Variants in EXT2 observed in about 807,000 individuals in gnomAD.
The protein encoded by EXT2 is exostosin glycosyltransferase 2, also known as exostosin-2.
In EXT2, 53 loss-of-function variants were observed where a neutral mutation model predicts 81.6. The observed-to-expected ratio is 0.65, with a 90% CI of 0.52 to 0.82. The LOEUF is 0.82. Among genes scored for constraint, EXT2 ranks in the 40% least tolerant of loss-of-function variants. The pLI is 0.00. For missense variants in EXT2, 774 were observed against 910.2 expected (o/e 0.85, Z 1.93); for synonymous variants, 320 against 340.0 (o/e 0.94, Z 0.65).
chr11:44,234,118 T>A lies in EXT2; in HGVS notation c.1810T>A (p.Phe604Ile), dbSNP rs1955930890. 6.2e-7 allele frequency: 1 copy of A among 1,614,004 alleles called. No individual in the cohort carries two copies. The highest frequency in any genetic ancestry group is 1.1e-5 in the South Asian group (1 of 91,086). Residue 604 changes from phenylalanine to isoleucine, a missense_variant, in exon 12 of 14, where the codon TTT becomes ATT. Phe to Ile is a conservative substitution (Grantham distance 21, BLOSUM62 0). This residue lies in a region of EXT2 where 148 missense variants were observed against 239.7 expected (regional missense o/e 0.62). Transcript: ENST00000533608. ...TTCTTTCTGTCTCACTTGACAGTATTTTAATTACCTGTATACCTACAAAAT... is the reference window on the plus strand; with the variant it reads ...TTCTTTCTGTCTCACTTGACAGTATATTAATTACCTGTATACCTACAAAAT... ...LTGAAFYHKY[F>I]NYLYTYKMPG...
chr11:44,162,461 A>T (rs1193120139), intron 7 of EXT2, among the ~76,000 whole-genome samples: 1 of 151,626 alleles, frequency 6.6e-6, no homozygotes, highest in Non-Finnish European at 1.5e-5. Context: ...CTGTAATCCC[A>T]GCTACTCGGG....
chr11:44,143,589 A>G (rs10458912), intron 7 of EXT2, among the ~76,000 whole-genome samples: 137,895 of 152,182 alleles, frequency 0.91, 62,624 homozygotes, highest in East Asian at 0.99. Flanking sequence ...TCAATTTGGG[A>G]AACATACACA....
At chr11:44,110,623 C>T (rs768816121) in intron 3 of EXT2, among the ~76,000 whole-genome samples, 7 of 152,068 alleles carry the variant, frequency 4.6e-5, no homozygotes, top group African/African-American at 7.2e-5. Context: ...TTCAGAAGGG[C>T]TTCTTTCTGT....
intron 7 of EXT2, among the ~76,000 whole-genome samples, chr11:44,147,265 G>C (rs1334245771): frequency 2.0e-5 from 3 of 152,148 alleles, no homozygotes; most frequent in Non-Finnish European, 4.4e-5. Context: ...TAGAATTGTA[G>C]TCTCCTTGGC....
chr11:44,165,582 G>C (rs1954984103), intron 7 of EXT2, among the ~76,000 whole-genome samples: 1 of 152,158 alleles, frequency 6.6e-6, no homozygotes, highest in South Asian at 2.1e-4. Context: ...CTGGTGTCCT[G>C]GGTGGATTTC....
At chr11:44,173,959 G>A (rs1284470208) in intron 8 of EXT2, among the ~76,000 whole-genome samples, 3 of 152,046 alleles carry the variant, frequency 2.0e-5, no homozygotes, top group Non-Finnish European at 2.9e-5. Flanking sequence ...TTCCAACTAA[G>A]AAATTGCTTG....
Position 44,188,203 on chromosome 11 carries a change from G to A in EXT2, c.1306-9626G>A, listed in dbSNP as rs4755790. 0.019 allele frequency among the ~76,000 whole-genome samples: 2,897 copies of A among 152,298 alleles called. 231 individuals are homozygous for A. In the East Asian group the frequency reaches 0.28, roughly 15 times the overall value. The stretch of plus-strand genomic sequence containing the variant: ...TGAAACTTGGTATCCTGGGAGGTGA[G>A]TGGGAGCCAAAATCAGCTTTTGCCA... On this transcript the variant is annotated intron_variant, in intron 8 of 13. Coordinates refer to ENST00000533608, the MANE Select transcript of EXT2 (RefSeq NM_207122.2).
chr11:44,208,308 A>C (rs1955607800), intron 10 of EXT2, among the ~76,000 whole-genome samples: 1 of 152,184 alleles, frequency 6.6e-6, no homozygotes, highest in Admixed American at 6.5e-5. Flanking sequence ...GGAATGTTCA[A>C]AACGACATGA....
intron 7 of EXT2, among the ~76,000 whole-genome samples, chr11:44,152,221 T>G (rs1015486100): frequency 6.6e-6 from 1 of 152,252 alleles, no homozygotes; most frequent in Non-Finnish European, 1.5e-5. Context: ...TTAATATTAA[T>G]GAAGTCCAGC....
intron 8 of EXT2, among the ~76,000 whole-genome samples, chr11:44,194,101 T>A (rs1955427432): frequency 1.3e-5 from 2 of 152,230 alleles, no homozygotes; most frequent in Non-Finnish European, 2.9e-5. Flanking sequence ...AAGCTTTGCA[T>A]CTCTTAGGGA....
intron 7 of EXT2, among the ~76,000 whole-genome samples, chr11:44,133,207 T>C (rs1055036058): frequency 6.6e-6 from 1 of 152,250 alleles, no homozygotes; most frequent in Non-Finnish European, 1.5e-5. Flanking sequence ...CAAAATATAC[T>C]GTTTCCAAAA....
intron 8 of EXT2, among the ~76,000 whole-genome samples, chr11:44,190,578 AT>A (rs1245588293): frequency 1.3e-5 from 2 of 152,228 alleles, no homozygotes; most frequent in African/African-American, 4.8e-5. Flanking sequence ...GAAGTTATAC[AT>A]AGTGACAAAA....
chr11:44,149,177 C>T (rs1423388901), intron 7 of EXT2, among the ~76,000 whole-genome samples: 3 of 152,064 alleles, frequency 2.0e-5, no homozygotes, highest in African/African-American at 7.2e-5. Flanking sequence ...GCCTGGGCAA[C>T]ACAGCAAGGC....
At chr11:44,233,901 C>T (rs1236473538) in intron 11 of EXT2, among the ~76,000 whole-genome samples, 1 of 152,074 alleles carries the variant, frequency 6.6e-6, no homozygotes, top group Non-Finnish European at 1.5e-5. Flanking sequence ...CTTTAAAAAG[C>T]ACACACTTTG....
intron 8 of EXT2, among the ~76,000 whole-genome samples, chr11:44,194,947 G>A (rs946027660): frequency 6.6e-6 from 1 of 152,106 alleles, no homozygotes; most frequent in African/African-American, 2.4e-5. Context: ...TAAATATAGG[G>A]CTACTTTCTG....
Position 44,239,367 on chromosome 11 carries a change from T to A in EXT2, c.2018+2992T>A, listed in dbSNP as rs77445975. Among the ~76,000 whole-genome samples, 714 of 150,364 alleles carry A rather than the reference T, an allele frequency of 4.7e-3. 4 individuals are homozygous for A. The highest frequency in any genetic ancestry group is 0.017 in the African/African-American group (690 of 40,938). On this transcript the variant is annotated intron_variant, in intron 13 of 13. Transcript: ENST00000533608. ...AGTTGGAGAATAATAAGATATGTGA[T>A]TTGGGGGTCTTTCCCTCTGTATATA...
intron 10 of EXT2, among the ~76,000 whole-genome samples, chr11:44,231,717 G>A (rs1955900821): frequency 6.6e-6 from 1 of 152,126 alleles, no homozygotes; most frequent in African/African-American, 2.4e-5. Flanking sequence ...GAAACACATG[G>A]GAGAAGGTAC....
intron 8 of EXT2, among the ~76,000 whole-genome samples, chr11:44,186,538 A>G (rs1955313557): frequency 6.6e-6 from 1 of 152,220 alleles, no homozygotes; most frequent in South Asian, 2.1e-4. Flanking sequence ...CCTTGACAGT[A>G]GTTTGGCTTT....
chr11:44,192,270 A>G (rs528125988), intron 8 of EXT2, among the ~76,000 whole-genome samples: 1 of 152,098 alleles, frequency 6.6e-6, no homozygotes, highest in East Asian at 1.9e-4. Context: ...ATCTCCAGGT[A>G]GGGAGAGGTG....
Sources: gnomAD v4.1 joint callset for allele counts (sites outside exome capture counted in the v4.1 genomes callset) on GRCh38, gnomAD v4.1.1 for gene constraint, gnomAD v4.1.1 regional missense constraint, MANE v1.5 for transcripts, NCBI Gene and HGNC (gene_info 2026-07-23, HGNC 2026-07-21) for gene names.